LRFN5: variants seen among roughly 807,000 people sequenced by gnomAD.
LRFN5 encodes leucine-rich repeat and fibronectin type-III domain-containing protein 5.
LRFN5 carries 24 observed loss-of-function variants against 45.6 expected under a neutral mutation model. That is an observed-to-expected ratio of 0.53 (90% CI 0.38 to 0.74). The LOEUF is 0.74. Among genes scored for constraint, LRFN5 ranks in the 30% least tolerant of loss-of-function variants. The pLI, the probability that LRFN5 is intolerant of heterozygous loss-of-function variation, is 0.00. For missense variants in LRFN5, 776 were observed against 861.5 expected, an observed-to-expected ratio of 0.90 and a Z score of 1.24; for synonymous variants, 340 against 313.8, an observed-to-expected ratio of 1.08 and a Z score of -0.88.
intron 1 of LRFN5, among the ~76,000 whole-genome samples, chr14:41,740,880 T>A (rs964705217): frequency 6.6e-6 from 1 of 152,042 alleles, no homozygotes; most frequent in Non-Finnish European, 1.5e-5. Flanking sequence ...AATAAAGTTG[T>A]AGTTTATGAA....
At position 41,641,774 on chromosome 14, in the gene LRFN5, G is replaced by A. The variant is rs1566599869; in HGVS notation, c.-197+33212G>A. ...ATATTTAGATAGATGAAGGGTAATT[G>A]TGCCACCCTAAAATATCAGAAAATG... On this transcript the variant is annotated intron_variant, in intron 1 of 5. Coordinates refer to ENST00000298119, the MANE Select transcript of LRFN5 (RefSeq NM_152447.5). 2.6e-5 allele frequency among the ~76,000 whole-genome samples: 4 copies of A among 151,992 alleles called. No individual in the cohort carries two copies. The South Asian group carries it at 6.2e-4, about 24-fold the overall frequency.
chr14:41,799,860 A>G (rs184732683), intron 2 of LRFN5, among the ~76,000 whole-genome samples: 1 of 152,050 alleles, frequency 6.6e-6, no homozygotes, highest in Non-Finnish European at 1.5e-5. Context: ...GTGTCCTAAA[A>G]ATCCTCTTTA....
At chr14:41,847,464 T>C (rs1889109303) in intron 2 of LRFN5, among the ~76,000 whole-genome samples, 2 of 152,156 alleles carry the variant, frequency 1.3e-5, no homozygotes, top group Admixed American at 1.3e-4. Flanking sequence ...GAAATGTTTT[T>C]TCTTGGTCTT....
At chr14:41,893,819 C>A in intron 4 of LRFN5, 1 of 985,308 alleles carries the variant, frequency 1.0e-6, no homozygotes, top group African/African-American at 1.7e-5. Context: ...CCCTGATTCT[C>A]TTTCTAAAAA....
At chr14:41,670,382 A>G (rs1452220370) in intron 1 of LRFN5, among the ~76,000 whole-genome samples, 1 of 148,090 alleles carries the variant, frequency 6.8e-6, no homozygotes, top group Non-Finnish European at 1.5e-5. Flanking sequence ...TTATATGAGC[A>G]TAGAGATGAG....
intron 1 of LRFN5, among the ~76,000 whole-genome samples, chr14:41,710,341 C>T (rs1223540793): frequency 6.6e-6 from 1 of 152,100 alleles, no homozygotes; most frequent in East Asian, 1.9e-4. Flanking sequence ...TGCATCATGG[C>T]TTATTAAAGT....
intron 1 of LRFN5, among the ~76,000 whole-genome samples, chr14:41,610,714 A>G (rs1031211107): frequency 2.7e-5 from 4 of 147,308 alleles, no homozygotes; most frequent in African/African-American, 7.4e-5. Context: ...AATGAAATAA[A>G]TGAAAGGTAA....
intron 1 of LRFN5, among the ~76,000 whole-genome samples, chr14:41,691,365 A>G (rs1882371316): frequency 1.3e-5 from 2 of 152,070 alleles, no homozygotes; most frequent in Non-Finnish European, 2.9e-5. Context: ...TTTACCTATG[A>G]ATTATATACA....
In LRFN5 at chr14:41,612,452, G is replaced by A. The variant is rs1311737854; in HGVS notation, c.-197+3890G>A. 2.0e-5 allele frequency among the ~76,000 whole-genome samples: 3 copies of A among 152,090 alleles called. No homozygotes were observed. The East Asian group carries it at 5.8e-4, about 29-fold the overall frequency. The stretch of plus-strand genomic sequence containing the variant: ...TGGCGTTATCTTCAGGGTTTTGTAT[G>A]TAGTATAATGAATTTTATGTTTTAT... On this transcript the variant is annotated intron_variant, in intron 1 of 5. Coordinates refer to ENST00000298119, the MANE Select transcript of LRFN5 (RefSeq NM_152447.5).
intron 1 of LRFN5, among the ~76,000 whole-genome samples, chr14:41,649,797 C>T (rs1880007024): frequency 6.6e-6 from 1 of 152,102 alleles, no homozygotes; most frequent in African/African-American, 2.4e-5. Flanking sequence ...CTCCACACTG[C>T]TCTTTGGCTA....
intron 2 of LRFN5, among the ~76,000 whole-genome samples, chr14:41,772,555 C>T (rs1019607272): frequency 1.3e-5 from 2 of 152,170 alleles, no homozygotes; most frequent in Admixed American, 6.5e-5. Flanking sequence ...GCAGCATTCA[C>T]TTTGCAAAGA....
chr14:41,814,020 T>C (rs1475268206), intron 2 of LRFN5, among the ~76,000 whole-genome samples: 1 of 152,224 alleles, frequency 6.6e-6, no homozygotes, highest in Non-Finnish European at 1.5e-5. Flanking sequence ...TTTGTTTTTT[T>C]CTTGTAAATG....
chr14:41,784,080 A>G (rs1478036542), intron 2 of LRFN5, among the ~76,000 whole-genome samples: 3 of 152,128 alleles, frequency 2.0e-5, no homozygotes, highest in Non-Finnish European at 4.4e-5. Flanking sequence ...TCAAAAACTA[A>G]TTGACTTACC....
chr14:41,848,315 C>T (rs534540543), intron 2 of LRFN5, among the ~76,000 whole-genome samples: 1 of 152,102 alleles, frequency 6.6e-6, no homozygotes, highest in East Asian at 1.9e-4. Flanking sequence ...TCCTCATACA[C>T]AGCAAGGAAA....
At chr14:41,876,643 C>G (rs552279903) in intron 2 of LRFN5, among the ~76,000 whole-genome samples, 1 of 152,032 alleles carries the variant, frequency 6.6e-6, no homozygotes, top group Non-Finnish European at 1.5e-5. Flanking sequence ...TATAGGTTTA[C>G]TGAGCACTAA....
At chr14:41,716,346 C>T (rs1216669644) in intron 1 of LRFN5, among the ~76,000 whole-genome samples, 3 of 152,146 alleles carry the variant, frequency 2.0e-5, no homozygotes, top group Admixed American at 6.5e-5. Context: ...TTTTTTATTG[C>T]ATTGTCAGGC....
chr14:41,712,861 G>A lies in LRFN5; in HGVS notation c.-196-53993G>A, dbSNP rs78585530. The stretch of plus-strand genomic sequence containing the variant: ...TGGTGATGAATATGTTAATTGTCTC[G>A]ATTTAATCTGGTACAATGTATAGAT... On this transcript the variant is annotated intron_variant, in intron 1 of 5. Transcript: ENST00000298119. Among the ~76,000 whole-genome samples, 440 of 151,790 alleles carry A rather than the reference G, an allele frequency of 2.9e-3. 3 individuals carry two copies. Among genetic ancestry groups the A allele is most frequent in the East Asian group, 0.01 (54 of 5,162 alleles).
At chr14:41,877,812 G>C (rs1890239148) in intron 2 of LRFN5, among the ~76,000 whole-genome samples, 1 of 151,990 alleles carries the variant, frequency 6.6e-6, no homozygotes, top group Non-Finnish European at 1.5e-5. Context: ...CTCTAAGTTT[G>C]GTAGATTCCT....
intron 2 of LRFN5, among the ~76,000 whole-genome samples, 172 bp from the exon 3 acceptor site, chr14:41,886,434 C>T (rs1010611251): frequency 6.6e-6 from 1 of 152,078 alleles, no homozygotes; most frequent in African/African-American, 2.4e-5. Context: ...TATGTTATTC[C>T]TCCCTAGTGC....
Sources: allele counts gnomAD v4.1 joint callset (sites outside exome capture counted in the v4.1 genomes callset), GRCh38; gene constraint gnomAD v4.1.1; transcripts MANE v1.5; gene names NCBI Gene and HGNC (gene_info 2026-07-23, HGNC 2026-07-21).